SGCD: variants seen among roughly 807,000 people sequenced by gnomAD.
The protein encoded by SGCD is sarcoglycan delta.
Under a neutral mutation model 36.6 loss-of-function variants are expected in SGCD, and 18 were observed. That is an observed-to-expected ratio of 0.49 (90% CI 0.34 to 0.73). The LOEUF is 0.73. SGCD is among the 30% of genes least tolerant of loss of function. SGCD has a pLI of 0.01. For missense variants in SGCD, 387 were observed against 346.7 expected (o/e 1.12, Z -0.92); for synonymous variants, 133 against 130.6 (o/e 1.02, Z -0.12).
intron 3 of SGCD, among the ~76,000 whole-genome samples, chr5:156,430,799 GA>G (rs1314114508): frequency 1.3e-5 from 2 of 152,152 alleles, no homozygotes; most frequent in East Asian, 3.9e-4. Context: ...GGCTTTCCCA[GA>G]TGTGGTTGTA....
chr5:156,509,036 G>A (rs1016014600), intron 4 of SGCD, among the ~76,000 whole-genome samples: 2 of 152,158 alleles, frequency 1.3e-5, no homozygotes, highest in Non-Finnish European at 2.9e-5. Context: ...TATTCATCAA[G>A]TACTTCAAAG....
At chr5:156,018,853 A>C (rs1191498175) in intron 1 of SGCD, among the ~76,000 whole-genome samples, 2 of 152,218 alleles carry the variant, frequency 1.3e-5, no homozygotes, top group African/African-American at 4.8e-5. Context: ...AATAGTAACA[A>C]ATAAATAGGA....
At chr5:156,307,114 T>A (rs1380217038) in intron 3 of SGCD, among the ~76,000 whole-genome samples, 2 of 149,484 alleles carry the variant, frequency 1.3e-5, no homozygotes, top group African/African-American at 4.9e-5. Flanking sequence ...CAAACACAGA[T>A]AACTGCAGGC....
the SGCD span, among the ~76,000 whole-genome samples, chr5:155,801,515 C>G: frequency 3.2e-4 from 49 of 152,296 alleles, no homozygotes; most frequent in South Asian, 8.3e-3. Context: ...GAATTTGTTT[C>G]AAATTCTCTC....
At chr5:156,097,021 G>A (rs1390417643) in intron 1 of SGCD, among the ~76,000 whole-genome samples, 4 of 151,572 alleles carry the variant, frequency 2.6e-5, no homozygotes, top group Non-Finnish European at 5.9e-5. Flanking sequence ...CTTGAAAAAT[G>A]TGCTACTTTC....
chr5:155,902,495 T>C (rs1406875767), intron 1 of SGCD, among the ~76,000 whole-genome samples: 2 of 151,996 alleles, frequency 1.3e-5, no homozygotes, highest in Non-Finnish European at 2.9e-5. Context: ...TTCGTTACTT[T>C]TTTTTATCAG....
At chr5:155,785,012 C>T in the SGCD span, among the ~76,000 whole-genome samples, 1 of 151,792 alleles carries the variant, frequency 6.6e-6, no homozygotes, top group African/African-American at 2.4e-5. Flanking sequence ...TGAATATATC[C>T]CATGACTCCT....
At chr5:156,685,485 G>A (rs1367241799) in intron 7 of SGCD, among the ~76,000 whole-genome samples, 5 of 152,176 alleles carry the variant, frequency 3.3e-5, no homozygotes. Flanking sequence ...GACGAAGCAA[G>A]CTGCAGAGTG....
At chr5:156,543,396 A>T (rs1758431688) in intron 4 of SGCD, among the ~76,000 whole-genome samples, 2 of 152,278 alleles carry the variant, frequency 1.3e-5, no homozygotes, top group Admixed American at 1.3e-4. Context: ...GCATCATGTG[A>T]CTTCAGGTCC....
chr5:156,533,486 A>G (rs555876268), intron 4 of SGCD, among the ~76,000 whole-genome samples: 3 of 152,312 alleles, frequency 2.0e-5, no homozygotes, highest in African/African-American at 7.2e-5. Flanking sequence ...TTGTACTACA[A>G]ATTTTTTAAT....
rs994933082 is a variant in SGCD at position 156,670,600 on chromosome 5, T to A, written c.575+23064T>A. Among the ~76,000 whole-genome samples the A allele has an allele frequency of 2.0e-5, 3 of 152,334 alleles. No individual in the cohort carries two copies. The East Asian group carries it at 5.8e-4, about 29-fold the overall frequency. ...TTCAAAACAAAGAGTAATGGGAGTT[T>A]AGAGGAACAAGCTTACAACAGTTTT... On this transcript the variant is annotated intron_variant, in intron 7 of 8. Transcript: ENST00000337851.
intron 1 of SGCD, among the ~76,000 whole-genome samples, chr5:155,913,332 G>T (rs1463675366): frequency 6.6e-6 from 1 of 152,160 alleles, no homozygotes; most frequent in African/African-American, 2.4e-5. Flanking sequence ...CTGGAAGGGG[G>T]ATTCCAATTG....
At chr5:155,871,733 A>G (rs902287936) in intron 1 of SGCD, among the ~76,000 whole-genome samples, 6 of 152,206 alleles carry the variant, frequency 3.9e-5, no homozygotes, top group Non-Finnish European at 8.8e-5. Context: ...GTTATGATGG[A>G]AAATTCCCAT....
upstream of SGCD, among the ~76,000 whole-genome samples, chr5:156,323,514 T>G (rs975296865): frequency 6.6e-6 from 1 of 152,058 alleles, no homozygotes; most frequent in Non-Finnish European, 1.5e-5. Flanking sequence ...TGGGTAAAAA[T>G]GAGGGTCTAC....
intron 1 of SGCD, among the ~76,000 whole-genome samples, chr5:155,890,596 A>C (rs1756102237): frequency 6.6e-6 from 1 of 151,894 alleles, no homozygotes; most frequent in Non-Finnish European, 1.5e-5. Context: ...TGACAGTGAT[A>C]CCCTGTTTCT....
intron 1 of SGCD, among the ~76,000 whole-genome samples, chr5:155,946,373 A>C (rs537548529): frequency 1.3e-5 from 2 of 152,284 alleles, no homozygotes; most frequent in Admixed American, 1.3e-4. Context: ...TAGGGCAGAG[A>C]CTGAATTTGA....
intron 3 of SGCD, among the ~76,000 whole-genome samples, chr5:156,447,043 G>A (rs898035040): frequency 6.6e-6 from 1 of 152,060 alleles, no homozygotes; most frequent in East Asian, 1.9e-4. Flanking sequence ...AACACAGAAA[G>A]GATGTTAAAC....
At chr5:156,337,388 T>C (rs184987799) in intron 2 of SGCD, among the ~76,000 whole-genome samples, 507 of 152,340 alleles carry the variant, frequency 3.3e-3, no homozygotes, top group African/African-American at 0.012. Flanking sequence ...AATTAGCTAA[T>C]GTAGCCATCA....
chr5:156,220,666 T>C (rs964796715), intron 3 of SGCD, among the ~76,000 whole-genome samples: 1 of 152,110 alleles, frequency 6.6e-6, no homozygotes, highest in Admixed American at 6.5e-5. Context: ...TTTCAACTGA[T>C]AAAACATGGA....
Sources: gnomAD v4.1 joint callset for allele counts (sites outside exome capture counted in the v4.1 genomes callset) on GRCh38, gnomAD v4.1.1 for gene constraint, MANE v1.5 for transcripts, NCBI Gene and HGNC (gene_info 2026-07-23, HGNC 2026-07-21) for gene names.